The following MYO5C variants were observed in gnomAD, a reference collection of about 807,000 sequenced individuals.
MYO5C encodes the protein myosin VC, also known as unconventional myosin-Vc.
MYO5C carries 194 observed loss-of-function variants against 235.7 expected under a neutral mutation model. The observed-to-expected ratio is 0.82, with a 90% confidence interval of 0.73 to 0.93. MYO5C has a LOEUF of 0.93. MYO5C is among the 40% of genes least tolerant of loss of function. The pLI is 0.00. For missense variants in MYO5C, 2,038 were observed against 2,127.2 expected (o/e 0.96, Z 0.82); for synonymous variants, 707 against 754.8 (o/e 0.94, Z 1.04).
At chr15:52,237,250 G>T (rs1273534793) in intron 22 of MYO5C, 1 of 406,108 alleles carries the variant, frequency 2.5e-6, no homozygotes, top group Non-Finnish European at 4.2e-6. Flanking sequence ...AAACTTGAAA[G>T]AAAGAGAAAA....
At chr15:52,237,895 G>A (rs2036125525) in intron 21 of MYO5C, among the ~76,000 whole-genome samples, 1 of 151,924 alleles carries the variant, frequency 6.6e-6, no homozygotes, top group Non-Finnish European at 1.5e-5. Context: ...GGCAAACCAG[G>A]ACAACCCTAG....
chr15:52,253,162 G>A (rs1000300342), intron 12 of MYO5C, among the ~76,000 whole-genome samples, 155 bp downstream of exon 12: 1 of 152,202 alleles, frequency 6.6e-6, no homozygotes, highest in Admixed American at 6.5e-5. Context: ...GGCCCTCTGG[G>A]GTCCCTGCTG....
chr15:52,235,707 T>C lies in MYO5C; in HGVS notation c.2925A>G (p.Ile975Met), dbSNP rs1321394783. 6.2e-7 allele frequency: 1 copy of C among 1,612,940 alleles called. No individual in the cohort carries two copies. The highest frequency in any genetic ancestry group is 1.3e-5 in the African/African-American group (1 of 74,940). Residue 975 changes from isoleucine (I) to methionine (M), a missense_variant, in exon 23 of 41, where the codon ATA becomes ATG. By Grantham distance (10) the Ile-to-Met change is conservative (BLOSUM62 1). Coordinates refer to ENST00000261839, the MANE Select transcript of MYO5C (RefSeq NM_018728.4). ...NSELETQKEQ[I>M]QLKLQEKTEE... Reference sequence around the variant, plus strand: ...CAGTCTTCTCTTGAAGCTTCAGCTGTATTTGTTCTTTCTGTGTTTCCAGTT... The same window carrying C: ...CAGTCTTCTCTTGAAGCTTCAGCTGCATTTGTTCTTTCTGTGTTTCCAGTT...
intron 4 of MYO5C, among the ~76,000 whole-genome samples, chr15:52,276,947 T>C (rs1229125259): frequency 1.3e-5 from 2 of 151,890 alleles, no homozygotes; most frequent in African/African-American, 2.4e-5. Context: ...TCCTACGACA[T>C]AGATATCTCT....
rs1196886838 is a variant in MYO5C, at chr15:52,247,352, G to A, written c.1881+106C>T. 1.8e-5 allele frequency: 23 copies of A among 1,280,908 alleles called. No homozygotes were observed. In the African/African-American group the frequency reaches 2.7e-4, roughly 15 times the overall value. 79.3% of individuals were successfully genotyped at this position (1,280,908 alleles called of 1,614,324 possible). A position where few individuals can be genotyped will look rare whatever the true frequency, so the allele number is the denominator to read the frequency against. On this transcript the variant is annotated intron_variant, in intron 15 of 40. Coordinates refer to ENST00000261839, the MANE Select transcript of MYO5C (RefSeq NM_018728.4). Reference sequence around the variant, plus strand: ...TCCATGTTAGATTGGAAGAGCCCCAGCGTCTGTCCATGTCCAGGCCTGGAA... The same window carrying A: ...TCCATGTTAGATTGGAAGAGCCCCAACGTCTGTCCATGTCCAGGCCTGGAA...
chr15:52,205,203 C>G (rs1487574209), intron 37 of MYO5C, 56 bp from the exon 38 acceptor site: 6 of 1,575,020 alleles, frequency 3.8e-6, no homozygotes, highest in Non-Finnish European at 5.2e-6. Flanking sequence ...GCGGAACGTT[C>G]CCGACGCTCT....
chr15:52,261,079 T>C lies in MYO5C; in HGVS notation c.1096A>G (p.Ser366Gly), dbSNP rs1482188892. 1.9e-6 allele frequency: 3 copies of C among 1,614,006 alleles called. No homozygotes were observed. The highest frequency in any genetic ancestry group is 1.7e-6 in the Non-Finnish European group (2 of 1,180,016). ...KVFCELLGLE[S>G]GRVAQWLCNR... ...CACAGCCACTGAGCAACTCTGCCAC[T>C]CTCCAGGCCCAGGAGCTCACAGAAC... Residue 366 changes from serine (S) to glycine (G), a missense_variant, in exon 10 of 41, where the codon AGT becomes GGT. By Grantham distance (56) the Ser-to-Gly change is moderately conservative (BLOSUM62 0). Coordinates refer to ENST00000261839, the MANE Select transcript of MYO5C (RefSeq NM_018728.4).
At chr15:52,251,292 G>T in intron 13 of MYO5C, 98 bp downstream of exon 13, 1 of 1,190,462 alleles carries the variant, frequency 8.4e-7, no homozygotes. Flanking sequence ...TGTTAAGTAT[G>T]ACTTGAATCT....
chr15:52,195,795 G>C (rs1030200792), intron 39 of MYO5C, among the ~76,000 whole-genome samples: 4 of 151,428 alleles, frequency 2.6e-5, no homozygotes, highest in East Asian at 1.9e-4. Flanking sequence ...GTGTGTGTGT[G>C]ATTATTATTA....
intron 1 of MYO5C, among the ~76,000 whole-genome samples, chr15:52,292,631 A>G (rs1296732425): frequency 1.3e-5 from 2 of 152,236 alleles, no homozygotes; most frequent in Non-Finnish European, 2.9e-5. Context: ...ACGTTCAGTC[A>G]TGCACACAGG....
At chr15:52,248,003 T>C (rs2036390352) in intron 14 of MYO5C, among the ~76,000 whole-genome samples, 1 of 152,168 alleles carries the variant, frequency 6.6e-6, no homozygotes, top group Non-Finnish European at 1.5e-5. Flanking sequence ...CACTTCGCAA[T>C]GAATGAATTA....
intron 20 of MYO5C, 108 bp downstream of exon 20, chr15:52,241,940 T>C: frequency 3.2e-6 from 4 of 1,268,860 alleles, no homozygotes; most frequent in Non-Finnish European, 2.2e-6. Context: ...GCTGACACTT[T>C]GTACAAAGTG....
chr15:52,210,485 C>G (rs978024064), intron 35 of MYO5C, among the ~76,000 whole-genome samples: 1 of 152,070 alleles, frequency 6.6e-6, no homozygotes, highest in South Asian at 2.1e-4. Context: ...TTCCCAGAAA[C>G]GGGTACTTTT....
chr15:52,295,207 G>A (rs2037473842), intron 1 of MYO5C, among the ~76,000 whole-genome samples: 1 of 152,182 alleles, frequency 6.6e-6, no homozygotes, highest in African/African-American at 2.4e-5. Flanking sequence ...TCCACCCGTG[G>A]TGTGGTAGGA....
intron 25 of MYO5C, among the ~76,000 whole-genome samples, chr15:52,227,448 C>T (rs527398311): frequency 1.3e-5 from 2 of 151,742 alleles, no homozygotes; most frequent in East Asian, 2.0e-4. Flanking sequence ...CCGCCCACCT[C>T]AGTCTCCCAA....
At chr15:52,254,397 C>A (rs2036538618) in intron 11 of MYO5C, among the ~76,000 whole-genome samples, 1 of 152,064 alleles carries the variant, frequency 6.6e-6, no homozygotes, top group African/African-American at 2.4e-5. Context: ...GACATGGGGT[C>A]CATGGCGTGA....
chr15:52,232,211 A>T (rs1402750553), intron 24 of MYO5C, among the ~76,000 whole-genome samples: 1,855 of 88,730 alleles, frequency 0.021, 523 homozygotes, highest in East Asian at 0.099. Context: ...AGGAAGGAAA[A>T]GAAAGAAAAT....
chr15:52,256,188 G>A (rs1465948876), intron 11 of MYO5C, among the ~76,000 whole-genome samples: 2 of 152,170 alleles, frequency 1.3e-5, no homozygotes, highest in South Asian at 4.1e-4. Context: ...AAGAGGCCAG[G>A]AGGTATCGCA....
chr15:52,272,832 G>A (rs2036955991), intron 5 of MYO5C, 109 bp from the exon 6 acceptor site: 1 of 1,087,166 alleles, frequency 9.2e-7, no homozygotes, highest in Non-Finnish European at 1.3e-6. Flanking sequence ...GGGAAGGTCT[G>A]ATTGGCAGAG....
Sources: allele counts gnomAD v4.1 joint callset (sites outside exome capture counted in the v4.1 genomes callset), GRCh38; gene constraint gnomAD v4.1.1; transcripts MANE v1.5; gene names NCBI Gene and HGNC (gene_info 2026-07-23, HGNC 2026-07-21).